Variants in CLNK observed in about 807,000 individuals in gnomAD.
CLNK encodes the protein cytokine-dependent hematopoietic cell linker.
In CLNK, 74 loss-of-function variants were observed where a neutral mutation model predicts 68.6. The ratio of observed to expected loss-of-function variants is 1.08; its 90% CI spans 0.89 to 1.31. CLNK has a LOEUF of 1.31. CLNK is among the 50% of genes most tolerant of loss of function. CLNK has a pLI of 0.00. For missense variants in CLNK, 553 were observed against 515.3 expected (o/e 1.07, Z -0.71); for synonymous variants, 198 against 172.2 (o/e 1.15, Z -1.17).
intron 9 of CLNK, 90 bp downstream of exon 9, chr4:10,542,165 C>A (rs1186700677): frequency 8.4e-7 from 1 of 1,190,226 alleles, no homozygotes; most frequent in Non-Finnish European, 1.2e-6. Context: ...ACATATTTTT[C>A]TAGAGATATC....
Position 10,539,573 on chromosome 4 carries a change from G to A in CLNK, c.602+921C>T, listed in dbSNP as rs141650926. ...TCACTTTTCTGACTTTCAAAATAAG[G>A]TAATTTTGGAAATTTAAACTCTTTT... On this transcript the variant is annotated intron_variant, in intron 11 of 18. Coordinates refer to ENST00000226951, the MANE Select transcript of CLNK (RefSeq NM_052964.4). 6.1e-3 allele frequency among the ~76,000 whole-genome samples: 932 copies of A among 152,268 alleles called. 10 individuals are homozygous for A. The highest frequency in any genetic ancestry group is 0.021 in the African/African-American group (878 of 41,558).
intron 2 of CLNK, among the ~76,000 whole-genome samples, chr4:10,608,315 C>T (rs1721864484): frequency 1.3e-5 from 2 of 152,224 alleles, no homozygotes; most frequent in Non-Finnish European, 1.5e-5. Context: ...ATTGCTCATG[C>T]AGTCTCCTCG....
chr4:10,610,480 T>C (rs781001185), intron 2 of CLNK, among the ~76,000 whole-genome samples: 22 of 152,046 alleles, frequency 1.4e-4, no homozygotes, highest in Non-Finnish European at 2.1e-4. Context: ...AAAAGCTTTT[T>C]CCCCCCTCTT....
At chr4:10,707,955 A>G in the CLNK span, among the ~76,000 whole-genome samples, 3 of 152,170 alleles carry the variant, frequency 2.0e-5, no homozygotes, top group Non-Finnish European at 4.4e-5. Context: ...TCACCTGGAG[A>G]GAGCTAGAAG....
chr4:10,553,618 A>AT (rs1401367321), intron 8 of CLNK, among the ~76,000 whole-genome samples: 213 of 151,842 alleles, frequency 1.4e-3, no homozygotes, highest in African/African-American at 4.6e-3. Flanking sequence ...CGCCCAGCTA[A>AT]TTTTTTTATA....
At chr4:10,503,586 A>G in intron 17 of CLNK, among the ~76,000 whole-genome samples, 1 of 148,458 alleles carries the variant, frequency 6.7e-6, no homozygotes, top group Non-Finnish European at 1.5e-5. Context: ...ATACTTCAAT[A>G]ATGAATATTT....
chr4:10,719,713 C>T, the CLNK span, among the ~76,000 whole-genome samples: 28 of 152,166 alleles, frequency 1.8e-4, no homozygotes, highest in Admixed American at 4.6e-4. Flanking sequence ...AACCATCAAC[C>T]GTAGCATCGA....
chr4:10,695,861 CTTTT>C, the CLNK span, among the ~76,000 whole-genome samples: 1 of 143,906 alleles, frequency 6.9e-6, no homozygotes, highest in Admixed American at 7.0e-5. Flanking sequence ...ACAATTAGAG[CTTTT>C]TTTTTTTTTT....
intron 16 of CLNK, among the ~76,000 whole-genome samples, chr4:10,509,135 AC>A (rs1181039881): frequency 6.6e-6 from 1 of 151,304 alleles, no homozygotes; most frequent in African/African-American, 2.4e-5. Context: ...GGAAGTCTAA[AC>A]CTGTCACATG....
rs1724096065 is a variant in CLNK at position 10,659,195 on chromosome 4, CTG to C, written c.11+8662_11+8663del. On this transcript the variant is annotated intron_variant, in intron 2 of 18. Transcript: ENST00000226951. ...CAGCCTGGGAAACAAGAGCGAAACT[CTG>C]TCTCAAAGAAAACAAAACGTAACAC... Among the ~76,000 whole-genome samples, 5 of 151,208 alleles carry C rather than the reference CTG, an allele frequency of 3.3e-5. No homozygotes were observed. The South Asian group carries it at 1.0e-3, about 31-fold the overall frequency.
the CLNK span, among the ~76,000 whole-genome samples, chr4:10,723,158 T>G: frequency 6.6e-6 from 1 of 152,214 alleles, no homozygotes; most frequent in African/African-American, 2.4e-5. Flanking sequence ...ACAGGCTACA[T>G]GCAAATGAAG....
chr4:10,717,854 G>C, the CLNK span, among the ~76,000 whole-genome samples: 5 of 152,264 alleles, frequency 3.3e-5, no homozygotes, highest in Middle Eastern at 3.4e-3. Context: ...TTCAGTTGGT[G>C]AGAAAAAGAC....
At position 10,614,668 on chromosome 4, in the gene CLNK, T is replaced by G. The variant is rs141021967; in HGVS notation, c.12-16619A>C. 2.6e-5 allele frequency among the ~76,000 whole-genome samples: 4 copies of G among 152,364 alleles called. No homozygotes were observed. In the East Asian group the frequency reaches 7.7e-4, roughly 29 times the overall value. Reference sequence around the variant, plus strand: ...TTGTAATAAGAGGCCACGGAATCTGTGTGCACATTCAAGTTGGAGGAAGTT... The same window carrying G: ...TTGTAATAAGAGGCCACGGAATCTGGGTGCACATTCAAGTTGGAGGAAGTT... On this transcript the variant is annotated intron_variant, in intron 2 of 18. Transcript: ENST00000226951.
At chr4:10,563,965 A>T (rs1432359271) in intron 7 of CLNK, among the ~76,000 whole-genome samples, 1 of 152,168 alleles carries the variant, frequency 6.6e-6, no homozygotes, top group Non-Finnish European at 1.5e-5. Context: ...AAATGTTATG[A>T]CCAATAACTG....
the CLNK span, among the ~76,000 whole-genome samples, chr4:10,722,157 G>A: frequency 2.0e-5 from 3 of 152,132 alleles, no homozygotes; most frequent in Non-Finnish European, 4.4e-5. Context: ...TTGAGCGAGA[G>A]AGACCCTGTC....
intron 17 of CLNK, among the ~76,000 whole-genome samples, chr4:10,504,529 G>C (rs141167059): frequency 6.6e-6 from 1 of 152,270 alleles, no homozygotes; most frequent in East Asian, 1.9e-4. Flanking sequence ...AAAGCATCAC[G>C]GTTACTAAAT....
rs538295272 is a variant in CLNK, at chr4:10,566,532, T to C, written c.151-382A>G. 2.0e-5 allele frequency among the ~76,000 whole-genome samples: 3 copies of C among 152,326 alleles called. No individual in the cohort carries two copies. The South Asian group carries it at 6.2e-4, about 32-fold the overall frequency. ...GACTTACTTGCAAATAAGATAATCT[T>C]GTATTTGAAGAATTCACTAAAAAAT... On this transcript the variant is annotated intron_variant, in intron 5 of 18. Coordinates refer to ENST00000226951, the MANE Select transcript of CLNK (RefSeq NM_052964.4).
chr4:10,611,058 G>T (rs749560968), intron 2 of CLNK, among the ~76,000 whole-genome samples: 28 of 152,114 alleles, frequency 1.8e-4, no homozygotes, highest in Admixed American at 1.8e-3. Context: ...AGTGGCTCAC[G>T]CCTGTAATCC....
At chr4:10,593,138 T>C (rs1721243181) in intron 3 of CLNK, among the ~76,000 whole-genome samples, 1 of 152,176 alleles carries the variant, frequency 6.6e-6, no homozygotes, top group Non-Finnish European at 1.5e-5. Flanking sequence ...GTCACAAAGC[T>C]CTTTGCTTGT....
Sources: gnomAD v4.1 joint callset for allele counts (sites outside exome capture counted in the v4.1 genomes callset) on GRCh38, gnomAD v4.1.1 for gene constraint, MANE v1.5 for transcripts, NCBI Gene and HGNC (gene_info 2026-07-23, HGNC 2026-07-21) for gene names.